Variants in AK9 observed in about 807,000 individuals in gnomAD.
AK9 encodes the protein adenylate kinase 9.
AK9 carries 191 observed loss-of-function variants against 239.6 expected under a neutral mutation model. The ratio of observed to expected loss-of-function variants is 0.80; its 90% CI spans 0.71 to 0.90. The LOEUF is 0.90. Among genes scored for constraint, AK9 ranks in the 40% least tolerant of loss-of-function variants. The pLI, the probability that AK9 is intolerant of heterozygous loss-of-function variation, is 0.00. For synonymous variants in AK9, 689 were observed against 721.0 expected (o/e 0.96, Z 0.71); for missense variants, 1,995 against 2,214.7 (o/e 0.90, Z 1.99).
intron 17 of AK9, among the ~76,000 whole-genome samples, chr6:109,605,385 T>C (rs1438484145): frequency 6.6e-6 from 1 of 152,242 alleles, no homozygotes; most frequent in African/African-American, 2.4e-5. Flanking sequence ...TATTCTGCTA[T>C]CCTTAATGTG....
In AK9 at chr6:109,519,304, A is replaced by T. The variant is rs144793113; in HGVS notation, c.3634-2662T>A. Among the ~76,000 whole-genome samples, 299 of 152,250 alleles carry T rather than the reference A, an allele frequency of 2.0e-3. 2 individuals are homozygous for T. Among genetic ancestry groups the T allele is most frequent in the African/African-American group, 7.0e-3 (289 of 41,534 alleles). On this transcript the variant is annotated intron_variant, in intron 29 of 40. Transcript: ENST00000424296. The stretch of plus-strand genomic sequence containing the variant: ...TGAGTGGATGTGTATTTTTGGTAGA[A>T]CAATTTATTTTCTTTTGTATATATA...
intron 19 of AK9, among the ~76,000 whole-genome samples, chr6:109,580,838 G>T (rs978175863): frequency 1.3e-5 from 2 of 152,086 alleles, no homozygotes; most frequent in African/African-American, 4.8e-5. Context: ...GTGTGAACAG[G>T]CAGTTATTCT....
rs144562657 is a variant in AK9 at position 109,685,330 on chromosome 6, A to G, written c.-12+5817T>C. Among the ~76,000 whole-genome samples the G allele has an allele frequency of 1.5e-3, 232 of 152,328 alleles. 1 individual carries two copies. Among genetic ancestry groups the G allele is most frequent in the African/African-American group, 5.3e-3 (221 of 41,572 alleles). On this transcript the variant is annotated intron_variant, in intron 1 of 40. Transcript: ENST00000424296. ...TACAGAAAAGACTTAGAGCCAACCT[A>G]AATGTCCATCAATAATAGATTGGAT... is the stretch of plus-strand genomic sequence containing the variant.
At chr6:109,649,390 A>T (rs1798576832) in intron 8 of AK9, among the ~76,000 whole-genome samples, 1 of 152,142 alleles carries the variant, frequency 6.6e-6, no homozygotes, top group Admixed American at 6.5e-5. Context: ...CAACTTCAGC[A>T]AAGTCTCAGG....
At position 109,528,543 on chromosome 6, in the gene AK9, T is replaced by G. The variant is rs1323024203; in HGVS notation, c.3633+468A>C. 6.6e-6 allele frequency: 3 copies of G among 456,762 alleles called. No individual in the cohort carries two copies. In the East Asian group the frequency reaches 2.1e-4, roughly 32 times the overall value. 28.3% of individuals were successfully genotyped at this position (456,762 alleles called of 1,614,324 possible). A position where few individuals can be genotyped will look rare whatever the true frequency, so the allele number is the denominator to read the frequency against. On this transcript the variant is annotated intron_variant, in intron 29 of 40. Coordinates refer to ENST00000424296, the MANE Select transcript of AK9 (RefSeq NM_001145128.3). ...ATGGTTTTTTCTTATCTACTTTTGGTTGTGAATATTTTGTTTTGACAAAGC... is the reference window on the plus strand; with the variant it reads ...ATGGTTTTTTCTTATCTACTTTTGGGTGTGAATATTTTGTTTTGACAAAGC...
rs4947003 is a variant in AK9, at chr6:109,658,962, A to T, written c.630+266T>A. Among the ~76,000 whole-genome samples the T allele has an allele frequency of 3.9e-5, 6 of 152,022 alleles. No individual in the cohort carries two copies. The East Asian group carries it at 1.2e-3, about 29-fold the overall frequency. ...CACAGTAGGTGACCAATAACTCCAT[A>T]GTTATGAAATGAAGCACACTAGGTG... is the stretch of plus-strand genomic sequence containing the variant. On this transcript the variant is annotated intron_variant, in intron 7 of 40. Transcript: ENST00000424296.
chr6:109,503,864 G>A (rs1777840125), intron 35 of AK9, among the ~76,000 whole-genome samples: 1 of 152,190 alleles, frequency 6.6e-6, no homozygotes, highest in African/African-American at 2.4e-5. Context: ...GCTGATGCGA[G>A]GGTGGAGAGG....
At chr6:109,497,326 T>TCCCACACA (rs1777140133) in intron 38 of AK9, 139 bp downstream of exon 38, 1 of 390,902 alleles carries the variant, frequency 2.6e-6, no homozygotes, top group Non-Finnish European at 4.6e-6. Flanking sequence ...CAGTGCTTGT[T>TCCCACACA]CACACACACA....
intron 24 of AK9, among the ~76,000 whole-genome samples, chr6:109,551,288 C>T (rs745975539): frequency 3.3e-5 from 5 of 151,932 alleles, no homozygotes; most frequent in East Asian, 3.9e-4. Context: ...GAGGCCGAGG[C>T]GGGGTGGATC....
chr6:109,600,771 A>T (rs866857842), intron 17 of AK9, among the ~76,000 whole-genome samples: 11 of 152,282 alleles, frequency 7.2e-5, no homozygotes, highest in Middle Eastern at 3.4e-3. Context: ...TTATTGGTCT[A>T]TTCAGAGATT....
chr6:109,529,609 T>C (rs1442596340), intron 28 of AK9, among the ~76,000 whole-genome samples: 1 of 152,190 alleles, frequency 6.6e-6, no homozygotes, highest in Non-Finnish European at 1.5e-5. Context: ...GAAATAATTT[T>C]ACAACTCACC....
intron 26 of AK9, 89 bp downstream of exon 26, chr6:109,545,778 G>A: frequency 6.9e-7 from 1 of 1,456,312 alleles, no homozygotes; most frequent in Non-Finnish European, 9.2e-7. Flanking sequence ...CTTCCTGTCT[G>A]GGTGACAGAT....
Position 109,579,538 on chromosome 6 carries a change from A to C in AK9, c.2191+12T>G. On this transcript the variant is annotated intron_variant, in intron 20 of 40. Transcript: ENST00000424296. ...CCATGACACATCATCAGTCATAGCA[A>C]TCTGTGCTTGCCTTTTGCCTTCACT... The C allele has an allele frequency of 6.5e-7, 1 of 1,548,932 alleles. No individual in the cohort carries two copies. Among genetic ancestry groups the C allele is most frequent in the Non-Finnish European group, 8.7e-7 (1 of 1,144,874 alleles).
At chr6:109,586,243 CG>C (rs1789492377) in intron 17 of AK9, among the ~76,000 whole-genome samples, 171 bp from the exon 18 acceptor site, 1 of 152,044 alleles carries the variant, frequency 6.6e-6, no homozygotes, top group Non-Finnish European at 1.5e-5. Flanking sequence ...GCAATAAAAT[CG>C]TAAGTTTAAA....
At chr6:109,563,384 C>A (rs1017019849) in intron 24 of AK9, among the ~76,000 whole-genome samples, 4 of 152,096 alleles carry the variant, frequency 2.6e-5, no homozygotes, top group Admixed American at 6.5e-5. Flanking sequence ...TTTTTCCATG[C>A]AAAATAGTTT....
At chr6:109,564,931 T>C in intron 21 of AK9, 86 bp from the exon 22 acceptor site, 1 of 1,028,036 alleles carries the variant, frequency 9.7e-7, no homozygotes, top group East Asian at 2.7e-5. Flanking sequence ...CATTTCAAAA[T>C]ATAGCTTAAA....
chr6:109,585,194 T>C lies in AK9; in HGVS notation c.2043A>G (p.Glu681=). ...ATCTTTCTAAAATCTTAGAGTCAATTTCAGATTTCTTCTGTAAATATATTC... is the reference window on the plus strand; with the variant it reads ...ATCTTTCTAAAATCTTAGAGTCAATCTCAGATTTCTTCTGTAAATATATTC... ...FNRIYLQKKS[E]IDSKILERLL... The change falls in exon 19 of 41, where the codon GAA becomes GAG. Residue 681 remains glutamate (E), a synonymous_variant. Coordinates refer to ENST00000424296, the MANE Select transcript of AK9 (RefSeq NM_001145128.3). The C allele has an allele frequency of 9.9e-7, 1 of 1,014,642 alleles. No homozygotes were observed. Among genetic ancestry groups the C allele is most frequent in the East Asian group, 5.5e-5 (1 of 18,132 alleles). The allele number at this position is 1,014,642 out of a possible 1,614,324, so 62.9% of individuals were successfully genotyped here. A position where few individuals can be genotyped will look rare whatever the true frequency, so the allele number is the denominator to read the frequency against.
intron 33 of AK9, 63 bp from the exon 34 acceptor site, chr6:109,506,863 G>A: frequency 1.4e-6 from 2 of 1,439,900 alleles, no homozygotes; most frequent in Non-Finnish European, 1.8e-6. Context: ...CTTCCTTTCT[G>A]TCTTCCAGAA....
chr6:109,576,614 T>C (rs549387974), intron 20 of AK9, among the ~76,000 whole-genome samples: 3 of 152,008 alleles, frequency 2.0e-5, no homozygotes, highest in Non-Finnish European at 4.4e-5. Flanking sequence ...AGGTATATGA[T>C]CATATCATCA....
Sources: gnomAD v4.1 joint callset for allele counts (sites outside exome capture counted in the v4.1 genomes callset) on GRCh38, gnomAD v4.1.1 for gene constraint, MANE v1.5 for transcripts, NCBI Gene and HGNC (gene_info 2026-07-23, HGNC 2026-07-21) for gene names.